THSD7B: variants seen among roughly 807,000 people sequenced by gnomAD.
The protein encoded by THSD7B is thrombospondin type-1 domain-containing protein 7B.
In THSD7B, 138 loss-of-function variants were observed where a neutral mutation model predicts 213.6. The observed-to-expected ratio is 0.65, with a 90% CI of 0.56 to 0.74. THSD7B has a LOEUF of 0.74. THSD7B is among the 30% of genes least tolerant of loss of function. THSD7B has a pLI of 0.00. For missense variants in THSD7B, 1,931 were observed against 1,991.5 expected (o/e 0.97, Z 0.58); for synonymous variants, 742 against 687.0 (o/e 1.08, Z -1.25).
chr2:137,403,319 A>G (rs1686418885), intron 12 of THSD7B, among the ~76,000 whole-genome samples: 1 of 152,220 alleles, frequency 6.6e-6, no homozygotes, highest in African/African-American at 2.4e-5. Context: ...TGGTGTTCAG[A>G]CAGACATATT....
rs1382066511 is a variant in THSD7B at position 136,765,700 on chromosome 2, A to G, written c.-36+13A>G. 6.6e-6 allele frequency: 1 copy of G among 152,072 alleles called. No homozygotes were observed. Among genetic ancestry groups the G allele is most frequent in the Non-Finnish European group, 1.5e-5 (1 of 68,020 alleles). 9.4% of individuals were successfully genotyped at this position (152,072 alleles called of 1,614,324 possible). On this transcript the variant is annotated intron_variant, in intron 1 of 27. Coordinates refer to ENST00000409968, the MANE Select transcript of THSD7B (RefSeq NM_001316349.2). ...TCTGGCGAGACGGGTGAGTGCAAGCACGCGGAGCCCCGAGTCGGGGATGCC... is the reference window on the plus strand; with the variant it reads ...TCTGGCGAGACGGGTGAGTGCAAGCGCGCGGAGCCCCGAGTCGGGGATGCC...
At chr2:137,303,896 T>C (rs1161681351) in intron 12 of THSD7B, among the ~76,000 whole-genome samples, 2 of 151,074 alleles carry the variant, frequency 1.3e-5, no homozygotes, top group African/African-American at 4.9e-5. Flanking sequence ...GCCATGGTGG[T>C]TTGCTGCACC....
chr2:136,934,083 AAT>A (rs1684679381), intron 2 of THSD7B, among the ~76,000 whole-genome samples: 1 of 152,202 alleles, frequency 6.6e-6, no homozygotes, highest in Non-Finnish European at 1.5e-5. Context: ...GGGGCTATTA[AAT>A]CCACAAATTA....
chr2:136,905,863 G>A (rs763111314), intron 2 of THSD7B, among the ~76,000 whole-genome samples: 3 of 152,222 alleles, frequency 2.0e-5, no homozygotes, highest in Non-Finnish European at 2.9e-5. Flanking sequence ...TAGCATTGGA[G>A]CCTCTTATAT....
chr2:136,919,502 G>A (rs1378111772), intron 2 of THSD7B, among the ~76,000 whole-genome samples: 1 of 152,156 alleles, frequency 6.6e-6, no homozygotes, highest in Non-Finnish European at 1.5e-5. Context: ...TTTCTAACAG[G>A]CTTATTCTAA....
rs764793505 is a variant in THSD7B, at chr2:137,160,336, A to G, written c.1493A>G (p.His498Arg). ...TGGTCAGCCTGGGGCCTGTGCATCC[A>G]TGAAAACTGTCATGATCCTCAGGGG... is the stretch of plus-strand genomic sequence containing the variant. ...SSWSAWGLCI[H>R]ENCHDPQGKK... is the part of the protein sequence containing the mutation. Residue 498 changes from histidine to arginine, a missense_variant, in exon 6 of 28, where the codon CAT becomes CGT. His to Arg is a conservative substitution (Grantham distance 29, BLOSUM62 0). Coordinates refer to ENST00000409968, the MANE Select transcript of THSD7B (RefSeq NM_001316349.2). 1.9e-6 allele frequency: 3 copies of G among 1,613,466 alleles called. No homozygotes were observed. In the South Asian group the frequency reaches 3.3e-5, roughly 18 times the overall value.
intron 12 of THSD7B, among the ~76,000 whole-genome samples, chr2:137,278,606 G>A (rs1332067308): frequency 6.6e-6 from 1 of 152,056 alleles, no homozygotes; most frequent in Non-Finnish European, 1.5e-5. Context: ...GAGGACATTG[G>A]CATTCCTAGG....
chr2:137,639,862 G>A (rs1170540580), intron 20 of THSD7B, among the ~76,000 whole-genome samples: 1 of 152,126 alleles, frequency 6.6e-6, no homozygotes, highest in African/African-American at 2.4e-5. Flanking sequence ...CAATACCTGT[G>A]CCGGTATGTA....
intron 2 of THSD7B, among the ~76,000 whole-genome samples, chr2:137,053,650 A>G (rs1212338357): frequency 2.0e-5 from 3 of 152,154 alleles, no homozygotes; most frequent in Admixed American, 1.3e-4. Context: ...GATATTCTAA[A>G]TGAATTAAGT....
chr2:137,322,983 G>A (rs1026049306), intron 12 of THSD7B, among the ~76,000 whole-genome samples: 1 of 152,082 alleles, frequency 6.6e-6, no homozygotes, highest in African/African-American at 2.4e-5. Context: ...AAGCTCTATC[G>A]ACAGGACAGC....
intron 2 of THSD7B, among the ~76,000 whole-genome samples, chr2:136,963,912 T>C (rs978125144): frequency 6.6e-6 from 1 of 152,204 alleles, no homozygotes; most frequent in African/African-American, 2.4e-5. Flanking sequence ...ATGAAACTCA[T>C]CTATTTATTT....
chr2:137,152,220 G>T (rs1366339989), intron 5 of THSD7B, among the ~76,000 whole-genome samples: 1 of 151,988 alleles, frequency 6.6e-6, no homozygotes, highest in East Asian at 1.9e-4. Flanking sequence ...TACTCATCTA[G>T]CTTCTTTTAC....
intron 2 of THSD7B, among the ~76,000 whole-genome samples, chr2:136,908,981 G>A (rs987784444): frequency 9.2e-5 from 14 of 152,090 alleles, no homozygotes; most frequent in Admixed American, 9.2e-4. Context: ...AGGAGTTCGA[G>A]ACCAGCCTGA....
intron 12 of THSD7B, among the ~76,000 whole-genome samples, chr2:137,332,906 C>T (rs1030624370): frequency 3.9e-5 from 6 of 152,192 alleles, no homozygotes; most frequent in African/African-American, 1.4e-4. Flanking sequence ...AACCTATTTC[C>T]TTTATAAATT....
At chr2:136,936,438 T>C (rs1286839879) in intron 2 of THSD7B, among the ~76,000 whole-genome samples, 3 of 152,120 alleles carry the variant, frequency 2.0e-5, no homozygotes, top group Non-Finnish European at 4.4e-5. Flanking sequence ...CATCAATCAA[T>C]GAGTGGATAA....
At chr2:137,631,200 C>A (rs1682735624) in intron 20 of THSD7B, among the ~76,000 whole-genome samples, 1 of 152,124 alleles carries the variant, frequency 6.6e-6, no homozygotes, top group Non-Finnish European at 1.5e-5. Context: ...TCTAAGCTTC[C>A]ACTAAGGGAT....
chr2:137,382,710 G>C (rs1685804394), intron 12 of THSD7B, among the ~76,000 whole-genome samples: 1 of 152,212 alleles, frequency 6.6e-6, no homozygotes, highest in Non-Finnish European at 1.5e-5. Flanking sequence ...CACCTACTTA[G>C]AACAGCAGAG....
chr2:136,872,814 C>CAAAAAA lies in THSD7B; in HGVS notation c.-35-9311_-35-9306dup, dbSNP rs60759275. 7.3e-4 allele frequency among the ~76,000 whole-genome samples: 48 copies of CAAAAAA among 65,540 alleles called. 1 individual carries two copies. The highest frequency in any genetic ancestry group is 9.8e-4 in the African/African-American group (15 of 15,322). The allele number at this position is 65,540 out of a possible 152,430, so 43.0% of individuals were successfully genotyped here. A position where few individuals can be genotyped will look rare whatever the true frequency, so the allele number is the denominator to read the frequency against. Reference sequence around the variant, plus strand: ...TGAAACTCTGTCTTTACTGAAAATACAAAAAAAAAAAAAAAAAAAAAAAAG... The same window carrying CAAAAAA: ...TGAAACTCTGTCTTTACTGAAAATACAAAAAAAAAAAAAAAAAAAAAAAAAAAAAAG... On this transcript the variant is annotated intron_variant, in intron 1 of 27. Coordinates refer to ENST00000409968, the MANE Select transcript of THSD7B (RefSeq NM_001316349.2).
chr2:137,398,700 A>G (rs1309567296), intron 12 of THSD7B, among the ~76,000 whole-genome samples: 1 of 151,914 alleles, frequency 6.6e-6, no homozygotes, highest in Non-Finnish European at 1.5e-5. Flanking sequence ...ACCCAGTTTG[A>G]GCTTCAGGGC....
Sources: allele counts gnomAD v4.1 joint callset (sites outside exome capture counted in the v4.1 genomes callset), GRCh38; gene constraint gnomAD v4.1.1; transcripts MANE v1.5; gene names NCBI Gene and HGNC (gene_info 2026-07-23, HGNC 2026-07-21).